Variants in ANKAR observed in about 807,000 individuals in gnomAD.
The protein encoded by ANKAR is ankyrin and armadillo repeat containing, also known as ankyrin and armadillo repeat-containing protein.
ANKAR carries 136 observed loss-of-function variants against 146.2 expected under a neutral mutation model. The observed-to-expected ratio is 0.93, with a 90% CI of 0.81 to 1.07. The LOEUF (loss-of-function observed/expected upper bound fraction) is 1.07, where lower values mean the gene tolerates loss of function less well. ANKAR is among the 50% of genes least tolerant of loss of function. The pLI, the probability that ANKAR is intolerant of heterozygous loss-of-function variation, is 0.00. For missense variants in ANKAR, 1,567 were observed against 1,679.9 expected, an observed-to-expected ratio of 0.93 and a Z score of 1.18; for synonymous variants, 500 against 575.8, an observed-to-expected ratio of 0.87 and a Z score of 1.88.
At chr2:189,702,733 G>A (rs1328857375) in intron 7 of ANKAR, among the ~76,000 whole-genome samples, 1 of 152,128 alleles carries the variant, frequency 6.6e-6, no homozygotes, top group Non-Finnish European at 1.5e-5. Context: ...GACTATTAAG[G>A]CTATAATATC....
rs941381119 is a variant in ANKAR at position 189,733,005 on chromosome 2, T to G, written c.3301-102T>G. On this transcript the variant is annotated intron_variant, in intron 16 of 22. Transcript: ENST00000684021. ...ATGGATTATATTTTAGCAGATTTTA[T>G]AGTATCTTTCCACAATGTATTCTAT... 8 of 1,141,002 alleles carry G rather than the reference T, an allele frequency of 7.0e-6. No individual in the cohort carries two copies. The African/African-American group carries it at 1.3e-4, about 18-fold the overall frequency. The allele number at this position is 1,141,002 out of a possible 1,614,324, so 70.7% of individuals were successfully genotyped here.
Position 189,738,665 on chromosome 2 carries a change from C to A in ANKAR, c.3683C>A (p.Ser1228Tyr). 5 of 1,595,564 alleles carry A rather than the reference C, an allele frequency of 3.1e-6. No individual in the cohort carries two copies. Among genetic ancestry groups the A allele is most frequent in the Non-Finnish European group, 4.3e-6 (5 of 1,168,988 alleles). Reference sequence around the variant, plus strand: ...GATAGTCTGTATTCAGTTCAGACTTCTACTATTGTCTTGACAGGTAAGAAA... The same window carrying A: ...GATAGTCTGTATTCAGTTCAGACTTATACTATTGTCTTGACAGGTAAGAAA... ...LVDSLYSVQT[S>Y]TIVLTGNLIA... The change falls in exon 19 of 23, where the codon TCT becomes TAT. Residue 1228 changes from serine to tyrosine, a missense_variant. Ser to Tyr is a moderately radical substitution (Grantham distance 144). Coordinates refer to ENST00000684021, the MANE Select transcript of ANKAR (RefSeq NM_001378068.1).
downstream of ANKAR, chr2:189,750,635 T>A: frequency 6.3e-7 from 1 of 1,589,504 alleles, no homozygotes; most frequent in Non-Finnish European, 8.6e-7. Context: ...CTTCTTTTGA[T>A]ATGTCTACTC....
intron 18 of ANKAR, chr2:189,752,917 A>G (rs2243876): frequency 0.99 from 1,604,525 of 1,613,806 alleles, 798,043 homozygotes; most frequent in East Asian, 1. Flanking sequence ...ACTGTGTTGC[A>G]TTTGTTAAAA....
Position 189,689,971 on chromosome 2 carries a change from G to A in ANKAR, c.1039+7G>A. 6.8e-7 allele frequency: 1 copy of A among 1,472,890 alleles called. No individual in the cohort carries two copies. The highest frequency in any genetic ancestry group is 2.4e-5 in the East Asian group (1 of 42,030). The allele number at this position is 1,472,890 out of a possible 1,614,324, so 91.2% of individuals were successfully genotyped here. On this transcript the variant is annotated splice_region_variant and intron_variant, in intron 3 of 22. Transcript: ENST00000684021. ...CTGCTTCAGCCTTTTTCAGGTAAGA[G>A]TATCACCAAAAATCAAATATAAAAT...
At chr2:189,741,611 T>G (rs1368258091) in intron 20 of ANKAR, among the ~76,000 whole-genome samples, 160 bp downstream of exon 20, 1 of 152,212 alleles carries the variant, frequency 6.6e-6, no homozygotes, top group Non-Finnish European at 1.5e-5. Context: ...ATATATAATA[T>G]AGTTCTTGTT....
Position 189,680,848 on chromosome 2 carries a change from A to G in ANKAR, c.601+3757A>G, listed in dbSNP as rs150706547. 1.4e-4 allele frequency among the ~76,000 whole-genome samples: 21 copies of G among 152,262 alleles called. No homozygotes were observed. In the East Asian group the frequency reaches 2.1e-3, roughly 15 times the overall value. On this transcript the variant is annotated intron_variant, in intron 2 of 22. Transcript: ENST00000684021. The stretch of plus-strand genomic sequence containing the variant: ...TTAATTGAGACTTGTTTTGTGACCT[A>G]TCATATGATCTATCTTGGAGAATGT...
chr2:189,737,038 C>T (rs1320636084), intron 17 of ANKAR, among the ~76,000 whole-genome samples: 1 of 149,740 alleles, frequency 6.7e-6, no homozygotes. Flanking sequence ...CACGCCACTG[C>T]ACTCTAGCCT....
intron 18 of ANKAR, chr2:189,754,378 A>T: frequency 6.5e-7 from 1 of 1,537,232 alleles, no homozygotes; most frequent in Non-Finnish European, 8.8e-7. Context: ...AGAGTCATAA[A>T]ATTAAATACT....
chr2:189,720,598 A>T (rs749292723), intron 11 of ANKAR, 21 bp from the exon 12 acceptor site: 34 of 1,309,534 alleles, frequency 2.6e-5, no homozygotes, highest in African/African-American at 1.5e-4. Context: ...TTCAAATGTA[A>T]TTTTTTTTGT....
intron 2 of ANKAR, among the ~76,000 whole-genome samples, chr2:189,678,349 T>G (rs1386310571): frequency 6.6e-6 from 1 of 152,194 alleles, no homozygotes; most frequent in African/African-American, 2.4e-5. Flanking sequence ...AGTCCTTTGT[T>G]GGAAGCATAA....
chr2:189,753,098 G>T, intron 18 of ANKAR: 2 of 869,932 alleles, frequency 2.3e-6, no homozygotes, highest in Non-Finnish European at 3.4e-6. Flanking sequence ...TTTGAGATGG[G>T]TAATGGGCAG....
Position 189,746,242 on chromosome 2 carries a change from T to C in ANKAR, c.4058-138T>C. Reference sequence around the variant, plus strand: ...CCCCACAAATTTTTGGCCCCTGACATCTAAATGTCTGGAAGTACTGATCTG... The same window carrying C: ...CCCCACAAATTTTTGGCCCCTGACACCTAAATGTCTGGAAGTACTGATCTG... On this transcript the variant is annotated intron_variant, in intron 22 of 22. Transcript: ENST00000684021. The C allele has an allele frequency of 2.8e-6, 3 of 1,065,628 alleles. No homozygotes were observed. In the African/African-American group the frequency reaches 4.8e-5, roughly 17 times the overall value. 66.0% of individuals were successfully genotyped at this position (1,065,628 alleles called of 1,614,324 possible).
chr2:189,751,920 TG>T (rs375446143), intron 18 of ANKAR, among the ~76,000 whole-genome samples: 9 of 150,516 alleles, frequency 6.0e-5, no homozygotes, highest in African/African-American at 1.7e-4. Flanking sequence ...CCGAGGTGGG[TG>T]GATCACTTGA....
At chr2:189,708,685 T>A (rs2039287378) in intron 9 of ANKAR, among the ~76,000 whole-genome samples, 1 of 152,164 alleles carries the variant, frequency 6.6e-6, no homozygotes, top group South Asian at 2.1e-4. Context: ...ATTTACAATA[T>A]TTCAACTTAC....
intron 10 of ANKAR, among the ~76,000 whole-genome samples, chr2:189,718,336 GTCTAGCTA>G (rs757882398): frequency 0.065 from 376 of 5,816 alleles, 2 homozygotes; most frequent in South Asian, 0.45. Context: ...CTATCTGTCT[GTCTAGCTA>G]TCTATCTACA....
At chr2:189,738,533 T>A in intron 18 of ANKAR, 32 bp from the exon 19 acceptor site, 2 of 1,341,928 alleles carry the variant, frequency 1.5e-6, no homozygotes, top group Admixed American at 2.1e-5. Context: ...TAGAAAATGT[T>A]CAAAGACTCT....
intron 10 of ANKAR, among the ~76,000 whole-genome samples, chr2:189,716,795 A>G (rs985595118): frequency 1.3e-5 from 2 of 151,830 alleles, no homozygotes; most frequent in African/African-American, 4.8e-5. Context: ...ACACATCTAC[A>G]ACCATCTGAT....
intron 15 of ANKAR, 92 bp downstream of exon 15, chr2:189,728,913 C>A: frequency 8.0e-7 from 1 of 1,257,136 alleles, no homozygotes; most frequent in Non-Finnish European, 1.1e-6. Flanking sequence ...TCCTCTCTAT[C>A]CCCACTGTTT....
Sources: gnomAD v4.1 joint callset for allele counts (sites outside exome capture counted in the v4.1 genomes callset) on GRCh38, gnomAD v4.1.1 for gene constraint, MANE v1.5 for transcripts, NCBI Gene and HGNC (gene_info 2026-07-23, HGNC 2026-07-21) for gene names.